The following SLC38A2 variants were observed in gnomAD, a reference collection of about 807,000 sequenced individuals.
SLC38A2 encodes the protein sodium-coupled neutral amino acid symporter 2.
Under a neutral mutation model 61.5 loss-of-function variants are expected in SLC38A2, and 11 were observed. The observed-to-expected ratio is 0.18, with a 90% CI of 0.11 to 0.30. The LOEUF (loss-of-function observed/expected upper bound fraction) is 0.30, where lower values mean the gene tolerates loss of function less well. SLC38A2 is among the 10% of genes least tolerant of loss of function. The pLI is 1.00. For missense variants in SLC38A2, 522 were observed against 600.4 expected, an observed-to-expected ratio of 0.87 and a Z score of 1.36; for synonymous variants, 217 against 212.5, an observed-to-expected ratio of 1.02 and a Z score of -0.18.
At chr12:46,369,025 T>C (rs1390829261) in intron 4 of SLC38A2, among the ~76,000 whole-genome samples, 1 of 152,230 alleles carries the variant, frequency 6.6e-6, no homozygotes, top group Non-Finnish European at 1.5e-5. Flanking sequence ...TATTTAGCCA[T>C]TAAGCAAAAT....
At chr12:46,363,434 C>T (rs1592203012) in intron 12 of SLC38A2, among the ~76,000 whole-genome samples, 1 of 152,060 alleles carries the variant, frequency 6.6e-6, no homozygotes, top group Non-Finnish European at 1.5e-5. Context: ...GTTACATAGT[C>T]TGAAGGTGAT....
chr12:46,362,774 G>T (rs1044903460), intron 13 of SLC38A2, 136 bp from the exon 14 acceptor site: 1 of 1,068,678 alleles, frequency 9.4e-7, no homozygotes, highest in Non-Finnish European at 1.3e-6. Flanking sequence ...AAATAAAACT[G>T]TGCCTCTTTC....
chr12:46,367,253 G>GA lies in SLC38A2; in HGVS notation c.388+13dup. On this transcript the variant is annotated intron_variant, in intron 5 of 15. Coordinates refer to ENST00000256689, the MANE Select transcript of SLC38A2 (RefSeq NM_018976.5). ...GTATACATTGTTTTAGAAAAATCAAGAATGCTATCATACCTCCTTCATTGG... is the reference window on the plus strand; with the variant it reads ...GTATACATTGTTTTAGAAAAATCAAGAAATGCTATCATACCTCCTTCATTGG... The GA allele has an allele frequency of 6.3e-7, 1 of 1,589,770 alleles. No individual in the cohort carries two copies. Among genetic ancestry groups the GA allele is most frequent in the African/African-American group, 1.3e-5 (1 of 74,378 alleles).
rs568464728 is a variant in SLC38A2 at position 46,358,922 on chromosome 12, G to A, written c.*2189C>T. 1 of 152,658 alleles carries A rather than the reference G, an allele frequency of 6.6e-6. No homozygotes were observed. The highest frequency in any genetic ancestry group is 6.5e-5 in the Admixed American group (1 of 15,284). The allele number at this position is 152,658 out of a possible 1,614,324, so 9.5% of individuals were successfully genotyped here. ...GAATTCATTGTTCAGGAACCTCAAGGTAGACAAGATAGCTCCCAGAAAATC... is the reference window on the plus strand; with the variant it reads ...GAATTCATTGTTCAGGAACCTCAAGATAGACAAGATAGCTCCCAGAAAATC... On this transcript the variant is annotated 3_prime_UTR_variant, in exon 16 of 16. Coordinates refer to ENST00000256689, the MANE Select transcript of SLC38A2 (RefSeq NM_018976.5).
rs985777807 is a variant in SLC38A2, at chr12:46,366,949, G to C, written c.482-4C>G. ...ATGAAGAGGTAGCTTGACATAGCTG[G>C]AGGAAAACAAAATTATACCATTACA... On this transcript the variant is annotated splice_region_variant and splice_polypyrimidine_tract_variant and intron_variant, in intron 6 of 15. Coordinates refer to ENST00000256689, the MANE Select transcript of SLC38A2 (RefSeq NM_018976.5). 6.2e-7 allele frequency: 1 copy of C among 1,613,202 alleles called. No homozygotes were observed. The highest frequency in any genetic ancestry group is 1.3e-5 in the African/African-American group (1 of 74,862).
At position 46,361,144 on chromosome 12, in the gene SLC38A2, A is replaced by G. The variant is rs1208074813; in HGVS notation, c.1488T>C (p.Asp496=). ...CACCTCCAGGTGCATTGTGTACCCA[A>G]TCCAAAACAATCAAGGCCATGCTTC... ...MTGSMALIVL[D]WVHNAPGGGH Residue 496 remains aspartate (D), a synonymous_variant, in exon 16 of 16, where the codon GAT becomes GAC. Coordinates refer to ENST00000256689, the MANE Select transcript of SLC38A2 (RefSeq NM_018976.5). 9 of 1,613,676 alleles carry G rather than the reference A, an allele frequency of 5.6e-6. No individual in the cohort carries two copies. Among genetic ancestry groups the G allele is most frequent in the East Asian group, 4.5e-5 (2 of 44,866 alleles).
chr12:46,370,574 A>G lies in SLC38A2; in HGVS notation c.252T>C (p.Ile84=), dbSNP rs1198570705. 2 of 1,614,196 alleles carry G rather than the reference A, an allele frequency of 1.2e-6. No individual in the cohort carries two copies. The highest frequency in any genetic ancestry group is 1.7e-6 in the Non-Finnish European group (2 of 1,180,026). Residue 84 remains isoleucine, a synonymous_variant, in exon 4 of 16, where the codon ATT becomes ATC. Transcript: ENST00000256689. Reference sequence around the variant, plus strand: ...AAAGCCCAAGGATTCCACTGCCCACAATCGCATTGCTCAGATTAAATACTG... The same window carrying G: ...AAAGCCCAAGGATTCCACTGCCCACGATCGCATTGCTCAGATTAAATACTG... ...GMSVFNLSNA[I]VGSGILGLSY...
chr12:46,360,914 T>A lies in SLC38A2; in HGVS notation c.*197A>T. 1.9e-6 allele frequency: 1 copy of A among 529,138 alleles called. No individual in the cohort carries two copies. Among genetic ancestry groups the A allele is most frequent in the Non-Finnish European group, 3.3e-6 (1 of 301,332 alleles). 32.8% of individuals were successfully genotyped at this position (529,138 alleles called of 1,614,324 possible). The stretch of plus-strand genomic sequence containing the variant: ...CTCGTGGTTTTGTTGTTCATATCCA[T>A]TTCTAACATACAGATAAGTTTCTTA... On this transcript the variant is annotated 3_prime_UTR_variant, in exon 16 of 16. Transcript: ENST00000256689.
In SLC38A2 at chr12:46,362,835, G is replaced by A; in HGVS notation, c.1179+186C>T. On this transcript the variant is annotated intron_variant, in intron 13 of 15. Transcript: ENST00000256689. ...ACTTAAAGATCATTTTATATCTTAT[G>A]GTGAAAAAAATGTCCCCAGGGTATT... The A allele has an allele frequency of 3.1e-6, 3 of 952,588 alleles. No individual in the cohort carries two copies. In the South Asian group the frequency reaches 5.6e-5, roughly 18 times the overall value. 59.0% of individuals were successfully genotyped at this position (952,588 alleles called of 1,614,324 possible).
chr12:46,370,503 CA>C lies in SLC38A2; in HGVS notation c.314+8del. 6.3e-7 allele frequency: 1 copy of C among 1,595,348 alleles called. No homozygotes were observed. Among genetic ancestry groups the C allele is most frequent in the Admixed American group, 1.7e-5 (1 of 59,972 alleles). Reference sequence around the variant, plus strand: ...CTGCATGGCAGACTCACTACTTACACATACTTACATAAAAAGAGCAATTCCA... The same window carrying C: ...CTGCATGGCAGACTCACTACTTACACTACTTACATAAAAAGAGCAATTCCA... On this transcript the variant is annotated splice_region_variant and intron_variant, in intron 4 of 15. Transcript: ENST00000256689.
intron 7 of SLC38A2, among the ~76,000 whole-genome samples, chr12:46,365,707 TA>T (rs917997631): frequency 6.6e-5 from 10 of 151,302 alleles, no homozygotes; most frequent in African/African-American, 1.9e-4. Flanking sequence ...GCCCCCCCCA[TA>T]AAAAAAATTA....
chr12:46,371,256 G>A lies in SLC38A2; in HGVS notation c.38C>T (p.Pro13Leu). Residue 13 changes from proline (P) to leucine (L), a missense_variant, in exon 2 of 16, where the codon CCG (proline) becomes CTG (leucine). By Grantham distance (98) the Pro-to-Leu change is moderately conservative. This residue lies in a region of SLC38A2 where 102 missense variants were observed against 83.1 expected (regional missense o/e 1.23). Transcript: ENST00000256689. ...ACTGTAGCTGCTGCTGTCTTCATCC[G>A]GGGAAATACTGAATCGTCCCATTTC... is the stretch of plus-strand genomic sequence containing the variant. Reference protein sequence around the residue: ...KAEMGRFSISPDEDSSSYSSN... With the variant: ...KAEMGRFSISLDEDSSSYSSN... 6.2e-7 allele frequency: 1 copy of A among 1,614,182 alleles called. No individual in the cohort carries two copies. Among genetic ancestry groups the A allele is most frequent in the East Asian group, 2.2e-5 (1 of 44,884 alleles).
intron 1 of SLC38A2, among the ~76,000 whole-genome samples, chr12:46,371,987 C>A (rs923044513): frequency 6.6e-6 from 1 of 151,950 alleles, no homozygotes; most frequent in Non-Finnish European, 1.5e-5. Flanking sequence ...CAAGCACACC[C>A]GTCCACAGGC....
At chr12:46,365,345 C>T (rs1044281296) in intron 7 of SLC38A2, 156 bp from the exon 8 acceptor site, 1 of 664,518 alleles carries the variant, frequency 1.5e-6, no homozygotes, top group African/African-American at 1.8e-5. Context: ...ATAGGAATAA[C>T]TTTTTAATTT....
intron 15 of SLC38A2, chr12:46,362,069 C>T (rs2120525507): frequency 2.1e-6 from 1 of 471,826 alleles, no homozygotes; most frequent in Non-Finnish European, 3.8e-6. Context: ...TATCTAATAA[C>T]TTTATTGCAA....
rs1264023595 is a variant in SLC38A2 at position 46,358,800 on chromosome 12, T to C, written c.*2311A>G. 1.3e-5 allele frequency: 2 copies of C among 152,620 alleles called. No individual in the cohort carries two copies. The highest frequency in any genetic ancestry group is 2.9e-5 in the Non-Finnish European group (2 of 68,040). 9.5% of individuals were successfully genotyped at this position (152,620 alleles called of 1,614,324 possible). A position where few individuals can be genotyped will look rare whatever the true frequency, so the allele number is the denominator to read the frequency against. On this transcript the variant is annotated 3_prime_UTR_variant, in exon 16 of 16. Transcript: ENST00000256689. The stretch of plus-strand genomic sequence containing the variant: ...TAATGGATTAATGTTGTTCTATAAA[T>C]AACATTACAGTTGTAACTGAAACAT...
chr12:46,361,128 G>A lies in SLC38A2; in HGVS notation c.1504C>T (p.Pro502Ser). The A allele has an allele frequency of 1.2e-6, 2 of 1,613,268 alleles. No homozygotes were observed. Among genetic ancestry groups the A allele is most frequent in the Middle Eastern group, 1.7e-4 (1 of 6,058 alleles). Residue 502 changes from proline to serine, a missense_variant, in exon 16 of 16, where the codon CCT becomes TCT. By Grantham distance (74) the Pro-to-Ser change is moderately conservative. Coordinates refer to ENST00000256689, the MANE Select transcript of SLC38A2 (RefSeq NM_018976.5). ...LIVLDWVHNA[P>S]GGGH ...GGTGCCAATTAATGGCCACCTCCAGGTGCATTGTGTACCCAATCCAAAACA... is the reference window on the plus strand; with the variant it reads ...GGTGCCAATTAATGGCCACCTCCAGATGCATTGTGTACCCAATCCAAAACA...
chr12:46,371,471 C>T (rs973778042), intron 1 of SLC38A2, 92 bp from the exon 2 acceptor site: 50 of 584,862 alleles, frequency 8.5e-5, no homozygotes, highest in Non-Finnish European at 1.4e-4. Flanking sequence ...CTGATTCATC[C>T]CAGGCCAGGC....
chr12:46,366,798 A>G (rs1943143019), intron 7 of SLC38A2, 66 bp downstream of exon 7: 2 of 1,380,530 alleles, frequency 1.4e-6, no homozygotes, highest in Admixed American at 2.2e-5. Context: ...TACAACTTTG[A>G]TAAAAATGTA....
Sources: allele counts gnomAD v4.1 joint callset (sites outside exome capture counted in the v4.1 genomes callset), GRCh38; gene constraint gnomAD v4.1.1; regional missense constraint gnomAD v4.1.1; transcripts MANE v1.5; gene names NCBI Gene and HGNC (gene_info 2026-07-23, HGNC 2026-07-21).